NCAPG: variants seen among roughly 807,000 people sequenced by gnomAD.
The protein encoded by NCAPG is condensin complex subunit 3.
NCAPG carries 69 observed loss-of-function variants against 113.1 expected under a neutral mutation model. The observed-to-expected ratio is 0.61, with a 90% confidence interval of 0.50 to 0.75. The LOEUF (loss-of-function observed/expected upper bound fraction) is 0.75. NCAPG is among the 30% of genes least tolerant of loss of function. NCAPG has a pLI of 0.00. For synonymous variants in NCAPG, 370 were observed against 415.8 expected, an observed-to-expected ratio of 0.89 and a Z score of 1.34; for missense variants, 1,058 against 1,177.0, an observed-to-expected ratio of 0.90 and a Z score of 1.48.
chr4:17,830,569 T>TTTTTTC (rs1721827140), intron 12 of NCAPG, among the ~76,000 whole-genome samples: 1 of 151,112 alleles, frequency 6.6e-6, no homozygotes, highest in Non-Finnish European at 1.5e-5. Context: ...TTTTTTTTTT[T>TTTTTTC]ACTTCAATGT....
intron 6 of NCAPG, among the ~76,000 whole-genome samples, 200 bp from the exon 7 acceptor site, chr4:17,817,739 C>A (rs1408792557): frequency 1.3e-5 from 2 of 152,132 alleles, no homozygotes; most frequent in Non-Finnish European, 2.9e-5. Context: ...GCAACATGCA[C>A]CCCTAGTATA....
chr4:17,817,347 T>G lies in NCAPG; in HGVS notation c.862T>G (p.Leu288Val), dbSNP rs776861555. ...AAATATCTTAGAGTTGCTCCATCGG[T>G]TGGATGTAGAAAATTCTTCTGAAGT... ...EGNILELLHR[L>V]DVENSSEVAV... Residue 288 changes from leucine (L) to valine (V), a missense_variant, in exon 6 of 21, where the codon TTG (leucine) becomes GTG (valine). Coordinates refer to ENST00000251496, the MANE Select transcript of NCAPG (RefSeq NM_022346.5). 1.2e-5 allele frequency: 20 copies of G among 1,613,952 alleles called. No homozygotes were observed. Among genetic ancestry groups the G allele is most frequent in the Non-Finnish European group, 1.7e-5 (20 of 1,179,966 alleles).
At chr4:17,839,863 ATT>A (rs1458309590) in intron 17 of NCAPG, 26 bp downstream of exon 17, 1 of 1,566,422 alleles carries the variant, frequency 6.4e-7, no homozygotes, top group Non-Finnish European at 8.6e-7. Flanking sequence ...ATTACTCTAA[ATT>A]AGTTTGTGTT....
rs776757942 is a variant in NCAPG, at chr4:17,811,064, AG to A, written c.-11del. ...GAGCGCGGGCAGGACTCGTCCCGGC[AG>A]GGTTCCAGAGCCATGGGAGCGGAAA... On this transcript the variant is annotated 5_prime_UTR_variant, in exon 1 of 21. Coordinates refer to ENST00000251496, the MANE Select transcript of NCAPG (RefSeq NM_022346.5). This position sits in a 1 kb window ranked among gnomAD's most constrained non-coding sequence, Gnocchi z 5.3. 6.6e-4 allele frequency: 969 copies of A among 1,459,730 alleles called. 1 individual carries two copies. The highest frequency in any genetic ancestry group is 8.5e-4 in the Non-Finnish European group (929 of 1,096,930). 90.4% of individuals were successfully genotyped at this position (1,459,730 alleles called of 1,614,324 possible).
chr4:17,823,235 A>G (rs545952033), intron 8 of NCAPG, 112 bp downstream of exon 8: 2 of 1,051,682 alleles, frequency 1.9e-6, no homozygotes, highest in African/African-American at 1.7e-5. Flanking sequence ...CTAAAGTGGT[A>G]TAAAAAGTTT....
Position 17,817,433 on chromosome 4 carries a change from CTG to C in NCAPG, c.950_951del (p.Cys317Ter), listed in dbSNP as rs1721257175. 1 of 1,613,746 alleles carries C rather than the reference CTG, an allele frequency of 6.2e-7. No homozygotes were observed. ...CTCCTCTCAGTGAACTGGTGGGACT[CTG>C]TAAAAACAATGATGGCAGGTACATA... The part of the protein sequence containing the change: ...ITPLSELVGL[C>X]KNNDGRKLIP... On this transcript the variant is annotated frameshift_variant, in exon 6 of 21. Transcript: ENST00000251496. LOFTEE classifies it high-confidence loss of function.
At position 17,815,526 on chromosome 4, in the gene NCAPG, G is replaced by GAA. The variant is rs1721164944; in HGVS notation, c.775+169_775+170insAA. ...TAGAAAACACAGGGCTAAAGATTTT[G>GAA]ATATATATATATTTTTGAGACAGAG... On this transcript the variant is annotated intron_variant, in intron 5 of 20. Coordinates refer to ENST00000251496, the MANE Select transcript of NCAPG (RefSeq NM_022346.5). 2.6e-5 allele frequency among the ~76,000 whole-genome samples: 4 copies of GAA among 151,700 alleles called. No homozygotes were observed. In the South Asian group the frequency reaches 8.3e-4, roughly 32 times the overall value.
intron 10 of NCAPG, 65 bp downstream of exon 10, chr4:17,825,122 T>A: frequency 8.3e-7 from 1 of 1,202,118 alleles, no homozygotes; most frequent in Non-Finnish European, 1.2e-6. Context: ...TATTCTTTCC[T>A]CTTGCTGTGC....
chr4:17,837,664 A>G lies in NCAPG; in HGVS notation c.2329A>G (p.Thr777Ala). ...QECFEEAFLP[T>A]LQTLANAPAS... The stretch of plus-strand genomic sequence containing the variant: ...ATGCTTTGAAGAAGCTTTTCTTCCA[A>G]CCCTGCAAACACTGGCCAATGCCCC... Residue 777 changes from threonine (T) to alanine (A), a missense_variant, in exon 16 of 21, where the codon ACC becomes GCC. Transcript: ENST00000251496. 2 of 1,613,924 alleles carry G rather than the reference A, an allele frequency of 1.2e-6. No individual in the cohort carries two copies. Among genetic ancestry groups the G allele is most frequent in the South Asian group, 1.1e-5 (1 of 91,046 alleles).
At chr4:17,836,724 T>C (rs557270544) in intron 14 of NCAPG, among the ~76,000 whole-genome samples, 26 of 152,306 alleles carry the variant, frequency 1.7e-4, no homozygotes, top group Non-Finnish European at 3.4e-4. Flanking sequence ...TTCAACACCT[T>C]CTGTTCACAT....
rs2109045757 is a variant in NCAPG at position 17,817,324 on chromosome 4, A to G, written c.839A>G (p.Asn280Ser). ...GGCTGGTTACGGTTCTCTGAAGGAA[A>G]TATCTTAGAGTTGCTCCATCGGTTG... is the stretch of plus-strand genomic sequence containing the variant. Reference protein sequence around the residue: ...LQGWLRFSEGNILELLHRLDV... With the variant: ...LQGWLRFSEGSILELLHRLDV... Residue 280 changes from asparagine (N) to serine (S), a missense_variant, in exon 6 of 21, where the codon AAT (asparagine) becomes AGT (serine). Asn to Ser is a conservative substitution (Grantham distance 46). Coordinates refer to ENST00000251496, the MANE Select transcript of NCAPG (RefSeq NM_022346.5). The G allele has an allele frequency of 3.7e-6, 6 of 1,614,114 alleles. No individual in the cohort carries two copies. Among genetic ancestry groups the G allele is most frequent in the East Asian group, 2.2e-5 (1 of 44,868 alleles).
chr4:17,814,646 A>G (rs948235542), intron 3 of NCAPG, among the ~76,000 whole-genome samples: 1 of 144,166 alleles, frequency 6.9e-6, no homozygotes, highest in Non-Finnish European at 1.5e-5. Flanking sequence ...GGGTCTTTCT[A>G]TATTGCTCAG....
At chr4:17,826,504 A>T (rs958943107) in intron 11 of NCAPG, among the ~76,000 whole-genome samples, 2 of 152,182 alleles carry the variant, frequency 1.3e-5, no homozygotes, top group Non-Finnish European at 2.9e-5. Flanking sequence ...GTGGGCCATT[A>T]TAGGCTATTA....
Position 17,837,835 on chromosome 4 carries a change from G to C in NCAPG, c.2466+34G>C, listed in dbSNP as rs555003589. 1.5e-5 allele frequency: 24 copies of C among 1,609,936 alleles called. No individual in the cohort carries two copies. In the South Asian group the frequency reaches 2.4e-4, roughly 16 times the overall value. ...CTGTGGTAACTGCATGCAGATCACTGTTTTGGTAAAATAATCTCTCTCAAA... is the reference window on the plus strand; with the variant it reads ...CTGTGGTAACTGCATGCAGATCACTCTTTTGGTAAAATAATCTCTCTCAAA... On this transcript the variant is annotated intron_variant, in intron 16 of 20. Coordinates refer to ENST00000251496, the MANE Select transcript of NCAPG (RefSeq NM_022346.5).
chr4:17,824,381 G>T (rs945561997), intron 9 of NCAPG, among the ~76,000 whole-genome samples: 1 of 152,012 alleles, frequency 6.6e-6, no homozygotes, highest in Non-Finnish European at 1.5e-5. Flanking sequence ...TTAATTCACA[G>T]ATCATCTCTT....
Position 17,823,058 on chromosome 4 carries a change from A to G in NCAPG, c.1194A>G (p.Lys398=). Residue 398 remains lysine, a synonymous_variant, in exon 8 of 21, where the codon AAA becomes AAG. Transcript: ENST00000251496. ...DFSYIGNLMT[K]EFIGQQLILI... ...CCTATATTGGAAATTTGATGACAAAAGAATTCATAGGTCAACAATTGATTC... is the reference window on the plus strand; with the variant it reads ...CCTATATTGGAAATTTGATGACAAAGGAATTCATAGGTCAACAATTGATTC... 1.2e-6 allele frequency: 2 copies of G among 1,610,016 alleles called. No individual in the cohort carries two copies. Among genetic ancestry groups the G allele is most frequent in the African/African-American group, 1.3e-5 (1 of 74,816 alleles).
chr4:17,812,436 A>T lies in NCAPG; in HGVS notation c.315+12A>T. ...CTTTTCTCTTAAAGGTACTATGAAA[A>T]TGATAGCTTTGGGGAGGGATTTTAG... On this transcript the variant is annotated intron_variant, in intron 2 of 20. Coordinates refer to ENST00000251496, the MANE Select transcript of NCAPG (RefSeq NM_022346.5). 6.2e-7 allele frequency: 1 copy of T among 1,607,930 alleles called. No homozygotes were observed. Among genetic ancestry groups the T allele is most frequent in the African/African-American group, 1.3e-5 (1 of 74,864 alleles).
In NCAPG at chr4:17,843,930, C is replaced by A. The variant is rs1322229996; in HGVS notation, c.*505C>A. 6.6e-6 allele frequency: 1 copy of A among 152,052 alleles called. No homozygotes were observed. Among genetic ancestry groups the A allele is most frequent in the Non-Finnish European group, 1.5e-5 (1 of 67,930 alleles). 9.4% of individuals were successfully genotyped at this position (152,052 alleles called of 1,614,324 possible). On this transcript the variant is annotated 3_prime_UTR_variant, in exon 21 of 21. Coordinates refer to ENST00000251496, the MANE Select transcript of NCAPG (RefSeq NM_022346.5). ...TGAGGAAGACCAGTATAACGTTCAACAACAGTTATTTTGACAAAAACTTAT... is the reference window on the plus strand; with the variant it reads ...TGAGGAAGACCAGTATAACGTTCAAAAACAGTTATTTTGACAAAAACTTAT...
intron 11 of NCAPG, among the ~76,000 whole-genome samples, chr4:17,827,426 T>C (rs188798791): frequency 3.9e-5 from 6 of 152,328 alleles, no homozygotes; most frequent in Admixed American, 2.6e-4. Context: ...TTGGGAGACT[T>C]ACAGATGATG....
Sources: gnomAD v4.1 joint callset for allele counts (sites outside exome capture counted in the v4.1 genomes callset) on GRCh38, gnomAD v4.1.1 for gene constraint, Gnocchi (gnomAD v3.1) non-coding constraint, MANE v1.5 for transcripts, NCBI Gene and HGNC (gene_info 2026-07-23, HGNC 2026-07-21) for gene names.